The following NOC3L variants were observed in gnomAD, a reference collection of about 807,000 sequenced individuals.
NOC3L encodes NOC3 like DNA replication regulator, also known as nucleolar complex protein 3 homolog.
NOC3L carries 85 observed loss-of-function variants against 102.5 expected under a neutral mutation model. The observed-to-expected ratio is 0.83, with a 90% confidence interval of 0.70 to 0.99. The LOEUF (loss-of-function observed/expected upper bound fraction) is 0.99. Among genes scored for constraint, NOC3L ranks in the 50% least tolerant of loss-of-function variants. The probability of loss-of-function intolerance (pLI) is 0.00; values close to 1 mark genes in which losing one functional copy is unlikely to be tolerated. For synonymous variants in NOC3L, 303 were observed against 309.4 expected (o/e 0.98, Z 0.22); for missense variants, 878 against 914.9 (o/e 0.96, Z 0.52).
chr10:94,319,824 A>C, the NOC3L span, among the ~76,000 whole-genome samples: 1 of 150,822 alleles, frequency 6.6e-6, no homozygotes, highest in African/African-American at 2.4e-5. Context: ...TGTGGCTAGA[A>C]ATACCTTAAA....
chr10:94,316,417 A>G, the NOC3L span: 3 of 670,006 alleles, frequency 4.5e-6, no homozygotes, highest in Non-Finnish European at 8.0e-6. Flanking sequence ...GATCTTCCAA[A>G]AAGAATTATG....
At chr10:94,353,807 T>C (rs923525471) in intron 6 of NOC3L, among the ~76,000 whole-genome samples, 2 of 152,234 alleles carry the variant, frequency 1.3e-5, no homozygotes, top group African/African-American at 2.4e-5. Flanking sequence ...TAAAATGTTA[T>C]ATACATTAAC....
intron 7 of NOC3L, 61 bp from the exon 8 acceptor site, chr10:94,352,464 G>C (rs1393523938): frequency 1.8e-6 from 2 of 1,114,558 alleles, no homozygotes; most frequent in Non-Finnish European, 2.7e-6. Context: ...CCCAAAATTA[G>C]TATAAAATAT....
intron 5 of NOC3L, among the ~76,000 whole-genome samples, chr10:94,356,240 T>C (rs559062520): frequency 6.6e-6 from 1 of 152,042 alleles, no homozygotes; most frequent in Non-Finnish European, 1.5e-5. Flanking sequence ...TTGTAAGTAG[T>C]CTTTCTCTTA....
At position 94,355,019 on chromosome 10, in the gene NOC3L, T is replaced by A; in HGVS notation, c.640A>T (p.Lys214Ter). ...LIERKKKLQE[K>*]KMHIAALASA... ...GCCAAGGCTGCAATATGCATCTTCT[T>A]CTCCTGTAATTTCTTCTTTCTCTCA... is the stretch of plus-strand genomic sequence containing the variant. Residue 214 changes from lysine to a stop codon, truncating the protein, a stop_gained, in exon 6 of 21, where the codon AAG (lysine) becomes TAG (stop). Transcript: ENST00000371361. LOFTEE classifies it high-confidence loss of function. The A allele has an allele frequency of 6.2e-7, 1 of 1,613,198 alleles. No individual in the cohort carries two copies. Among genetic ancestry groups the A allele is most frequent in the Non-Finnish European group, 8.5e-7 (1 of 1,179,638 alleles).
chr10:94,361,590 A>G, intron 2 of NOC3L, 75 bp downstream of exon 2: 2 of 1,450,312 alleles, frequency 1.4e-6, no homozygotes, highest in East Asian at 4.5e-5. Flanking sequence ...ATTACTAGAA[A>G]GCAAAGTTAT....
the NOC3L span, among the ~76,000 whole-genome samples, chr10:94,323,170 A>C: frequency 2.0e-5 from 3 of 152,152 alleles, no homozygotes; most frequent in Non-Finnish European, 2.9e-5. Flanking sequence ...GACAAGTAGG[A>C]GGCCTACTCT....
At chr10:94,344,099 C>T (rs1427579872) in intron 13 of NOC3L, among the ~76,000 whole-genome samples, 1 of 152,142 alleles carries the variant, frequency 6.6e-6, no homozygotes, top group African/African-American at 2.4e-5. Context: ...TCTGCATGAT[C>T]CACTCAAACT....
chr10:94,357,457 T>C (rs2054502317), intron 3 of NOC3L, 126 bp from the exon 4 acceptor site: 1 of 634,342 alleles, frequency 1.6e-6, no homozygotes. Context: ...TAGTAGCACT[T>C]AGGCTAGTGT....
chr10:94,357,185 C>T lies in NOC3L; in HGVS notation c.497G>A (p.Arg166Lys), dbSNP rs1339374774. The T allele has an allele frequency of 6.3e-7, 1 of 1,582,250 alleles. No individual in the cohort carries two copies. Among genetic ancestry groups the T allele is most frequent in the Non-Finnish European group, 8.6e-7 (1 of 1,164,762 alleles). Residue 166 changes from arginine (R) to lysine (K), a missense_variant, in exon 4 of 21, where the codon AGG becomes AAG. Transcript: ENST00000371361. ...TTTATTAGACTCACCTGGCTTCTCC[C>T]TAGTCTGTGGGATTATACCACTTTT... ...KDKSGIIPQT[R>K]EKPVTDSNKD...
At chr10:94,322,746 T>A in the NOC3L span, among the ~76,000 whole-genome samples, 1 of 151,104 alleles carries the variant, frequency 6.6e-6, no homozygotes, top group Non-Finnish European at 1.5e-5. Context: ...GATCATGCCA[T>A]TGCGCGTCAG....
At chr10:94,337,376 G>C (rs1405485989) in intron 19 of NOC3L, among the ~76,000 whole-genome samples, 1 of 149,378 alleles carries the variant, frequency 6.7e-6, no homozygotes, top group African/African-American at 2.5e-5. Context: ...AAAAAAGACC[G>C]AGCGAGCGAG....
At chr10:94,351,586 G>C (rs375063765) in intron 8 of NOC3L, among the ~76,000 whole-genome samples, 10 of 152,246 alleles carry the variant, frequency 6.6e-5, no homozygotes, top group African/African-American at 2.4e-4. Context: ...ACAGTGCAGT[G>C]GCATAATCAT....
At chr10:94,353,125 C>A (rs1389195952) in intron 6 of NOC3L, 68 bp from the exon 7 acceptor site, 8 of 1,318,692 alleles carry the variant, frequency 6.1e-6, no homozygotes, top group Non-Finnish European at 8.4e-6. Flanking sequence ...AAGACAACAG[C>A]CCCACATCCG....
In NOC3L at chr10:94,334,046, T is replaced by C; in HGVS notation, c.*131A>G. On this transcript the variant is annotated 3_prime_UTR_variant, in exon 21 of 21. Coordinates refer to ENST00000371361, the MANE Select transcript of NOC3L (RefSeq NM_022451.11). Reference sequence around the variant, plus strand: ...CCCTGTGCCATGCAAAGGGTCATTCTTCCTCTTCTTCCTAGACATTCTTAG... The same window carrying C: ...CCCTGTGCCATGCAAAGGGTCATTCCTCCTCTTCTTCCTAGACATTCTTAG... 1.7e-6 allele frequency: 1 copy of C among 582,250 alleles called. No individual in the cohort carries two copies. Among genetic ancestry groups the C allele is most frequent in the Non-Finnish European group, 3.0e-6 (1 of 329,014 alleles). The allele number at this position is 582,250 out of a possible 1,614,324, so 36.1% of individuals were successfully genotyped here. A position where few individuals can be genotyped will look rare whatever the true frequency, so the allele number is the denominator to read the frequency against.
At chr10:94,361,343 A>G in intron 2 of NOC3L, 1 of 285,440 alleles carries the variant, frequency 3.5e-6, no homozygotes, top group Non-Finnish European at 6.5e-6. Flanking sequence ...GGTGAATGGC[A>G]AAGTGGCAGC....
rs758266604 is a variant in NOC3L, at chr10:94,356,553, C to T, written c.547G>A (p.Glu183Lys). ...ATATTACCTTCCTCAAGTTCCCTCTCTTCTTCTTGATCCTCTTCATCTTTG... is the reference window on the plus strand; with the variant it reads ...ATATTACCTTCCTCAAGTTCCCTCTTTTCTTCTTGATCCTCTTCATCTTTG... ...SNKDEEDQEE[E>K]RELEEEIIED... is the part of the protein sequence containing the mutation. The change falls in exon 5 of 21, where the codon GAG becomes AAG. Residue 183 changes from glutamate to lysine, a missense_variant. Transcript: ENST00000371361. The T allele has an allele frequency of 1.9e-6, 3 of 1,584,270 alleles. No homozygotes were observed. In the Admixed American group the frequency reaches 5.0e-5, roughly 26 times the overall value.
chr10:94,360,738 G>T (rs75572986), intron 2 of NOC3L, among the ~76,000 whole-genome samples: 2,243 of 152,214 alleles, frequency 0.015, 31 homozygotes, highest in Middle Eastern at 0.11. Context: ...AATGCTTGAG[G>T]TGATGGATAC....
At chr10:94,316,853 T>C in the NOC3L span, 1 of 865,396 alleles carries the variant, frequency 1.2e-6, no homozygotes, top group South Asian at 1.4e-5. Context: ...TTTCTTGTAA[T>C]TGCAACTTGG....
Sources: gnomAD v4.1 joint callset for allele counts (sites outside exome capture counted in the v4.1 genomes callset) on GRCh38, gnomAD v4.1.1 for gene constraint, MANE v1.5 for transcripts, NCBI Gene and HGNC (gene_info 2026-07-23, HGNC 2026-07-21) for gene names.